The following TBC1D1 variants were observed in gnomAD, a reference collection of about 807,000 sequenced individuals.
TBC1D1 encodes TBC1 domain family member 1, also known as TBC1 (tre-2/USP6, BUB2, cdc16) domain family, member 1.
Under a neutral mutation model 125.6 loss-of-function variants are expected in TBC1D1, and 89 were observed. That is an observed-to-expected ratio of 0.71 (90% CI 0.60 to 0.85). TBC1D1 has a LOEUF of 0.85. Among genes scored for constraint, TBC1D1 ranks in the 40% least tolerant of loss-of-function variants. The probability of loss-of-function intolerance (pLI) is 0.00; values close to 1 mark genes in which losing one functional copy is unlikely to be tolerated. For missense variants in TBC1D1, 1,377 were observed against 1,469.2 expected (o/e 0.94, Z 1.03); for synonymous variants, 565 against 564.1 (o/e 1.00, Z -0.02).
chr4:38,042,921 A>G (rs1748669360), intron 8 of TBC1D1, among the ~76,000 whole-genome samples: 1 of 152,096 alleles, frequency 6.6e-6, no homozygotes, highest in Non-Finnish European at 1.5e-5. Context: ...TGTATTTTTG[A>G]GATGGAGTCT....
At chr4:37,900,057 C>G (rs1300329372) in intron 1 of TBC1D1, among the ~76,000 whole-genome samples, 5 of 150,294 alleles carry the variant, frequency 3.3e-5, no homozygotes, top group Non-Finnish European at 7.4e-5. Flanking sequence ...GGAGGCGGAG[C>G]TTGCAGTGAG....
At chr4:37,989,471 C>A (rs1351237196) in intron 2 of TBC1D1, among the ~76,000 whole-genome samples, 2 of 152,186 alleles carry the variant, frequency 1.3e-5, no homozygotes, top group Non-Finnish European at 2.9e-5. Flanking sequence ...ATAGCCCCGA[C>A]CACCTTGAGC....
chr4:38,018,500 A>G (rs530859330), intron 4 of TBC1D1, 57 bp downstream of exon 4: 23 of 1,099,486 alleles, frequency 2.1e-5, no homozygotes, highest in East Asian at 1.2e-4. Context: ...ATGAATTTCT[A>G]TAATATCTAT....
At chr4:38,098,038 T>A (rs1759673450) in intron 14 of TBC1D1, among the ~76,000 whole-genome samples, 1 of 152,230 alleles carries the variant, frequency 6.6e-6, no homozygotes, top group South Asian at 2.1e-4. Flanking sequence ...CTCCAGGTGC[T>A]TATCTCAGAA....
At chr4:37,925,483 C>G (rs67777605) in intron 2 of TBC1D1, among the ~76,000 whole-genome samples, 1 of 151,896 alleles carries the variant, frequency 6.6e-6, no homozygotes, top group Non-Finnish European at 1.5e-5. Context: ...TTCGGGAGGT[C>G]GAGGTGGGGG....
At chr4:37,985,332 G>C (rs1340397029) in intron 2 of TBC1D1, among the ~76,000 whole-genome samples, 1 of 152,168 alleles carries the variant, frequency 6.6e-6, no homozygotes, top group Non-Finnish European at 1.5e-5. Context: ...TGATTTTGTT[G>C]TTGGAAGAGT....
At chr4:38,054,120 T>A in intron 11 of TBC1D1, 79 bp from the exon 14 acceptor site, 1 of 1,448,872 alleles carries the variant, frequency 6.9e-7, no homozygotes, top group Non-Finnish European at 9.6e-7. Context: ...TTTAGTGATT[T>A]GTTTAAAAAA....
intron 2 of TBC1D1, among the ~76,000 whole-genome samples, chr4:37,918,912 A>C (rs1720310537): frequency 6.6e-6 from 1 of 152,202 alleles, no homozygotes; most frequent in African/African-American, 2.4e-5. Context: ...GTATAACATT[A>C]TGAAAATGTT....
intron 12 of TBC1D1, among the ~76,000 whole-genome samples, chr4:38,077,065 G>A (rs1167847617): frequency 6.6e-6 from 1 of 152,118 alleles, no homozygotes; most frequent in Non-Finnish European, 1.5e-5. Context: ...TCTTAGGATG[G>A]TTCTTTCTGT....
In TBC1D1 at chr4:38,096,083, TG is replaced by T; in HGVS notation, c.2394del (p.Gln799LysfsTer15). On this transcript the variant is annotated frameshift_variant, in exon 14 of 20. Transcript: ENST00000261439. LOFTEE classifies it high-confidence loss of function. Reference sequence around the variant, plus strand: ...ACATGGAAAAAATGCACTCGGCTGTTGGGCAAGGTAAGCTTCATTGGGAAGC... The same window carrying T: ...ACATGGAAAAAATGCACTCGGCTGTTGGCAAGGTAAGCTTCATTGGGAAGC... The T allele has an allele frequency of 6.2e-7, 1 of 1,613,156 alleles. No individual in the cohort carries two copies. The highest frequency in any genetic ancestry group is 8.5e-7 in the Non-Finnish European group (1 of 1,179,460).
intron 14 of TBC1D1, among the ~76,000 whole-genome samples, chr4:38,101,804 C>G (rs1406442287): frequency 6.6e-6 from 1 of 152,174 alleles, no homozygotes; most frequent in Non-Finnish European, 1.5e-5. Flanking sequence ...CTCACAATAA[C>G]CCTTCCAGCC....
chr4:37,973,476 A>T (rs1365296848), intron 2 of TBC1D1, among the ~76,000 whole-genome samples: 1 of 152,212 alleles, frequency 6.6e-6, no homozygotes, highest in Non-Finnish European at 1.5e-5. Context: ...CTGTGGTGGA[A>T]AATTTATCTT....
chr4:38,004,491 A>G (rs1409026388), intron 2 of TBC1D1, among the ~76,000 whole-genome samples: 1 of 152,226 alleles, frequency 6.6e-6, no homozygotes, highest in Non-Finnish European at 1.5e-5. Context: ...GATCCTGAAT[A>G]TGCCTTTTTT....
rs1372397673 is a variant in TBC1D1 at position 38,021,678 on chromosome 4, C to A, written c.1170C>A (p.Cys390Ter). ...CGCCAGCCCAGCTGTGTGAGGGCTG[C>A]CCCCTGCAAAGCCTGCACAAGCTCT... is the stretch of plus-strand genomic sequence containing the variant. Residue 390 changes from cysteine (C) to a stop codon, truncating the protein, a stop_gained, in exon 6 of 20, where the codon TGC becomes TGA. Transcript: ENST00000261439. LOFTEE classifies it high-confidence loss of function. 6.3e-7 allele frequency: 1 copy of A among 1,595,022 alleles called. No homozygotes were observed. Among genetic ancestry groups the A allele is most frequent in the Admixed American group, 1.8e-5 (1 of 57,096 alleles).
chr4:37,903,088 C>T (rs1284363003), intron 2 of TBC1D1, among the ~76,000 whole-genome samples: 1 of 152,172 alleles, frequency 6.6e-6, no homozygotes, highest in Admixed American at 6.5e-5. Flanking sequence ...AGGCAAAGGT[C>T]ATTGATAAGA....
chr4:37,997,601 C>T (rs922841065), intron 2 of TBC1D1, among the ~76,000 whole-genome samples: 2 of 151,992 alleles, frequency 1.3e-5, no homozygotes, highest in Non-Finnish European at 2.9e-5. Flanking sequence ...TTTATGATTA[C>T]AAAAATACAT....
intron 12 of TBC1D1, among the ~76,000 whole-genome samples, chr4:38,062,610 CT>C (rs1389467800): frequency 6.6e-6 from 1 of 150,904 alleles, no homozygotes; most frequent in Non-Finnish European, 1.5e-5. Flanking sequence ...CATCCGCCCC[CT>C]ACCCCACCCA....
chr4:37,997,148 T>C (rs537840566), intron 2 of TBC1D1, among the ~76,000 whole-genome samples: 1 of 152,398 alleles, frequency 6.6e-6, no homozygotes, highest in East Asian at 1.9e-4. Flanking sequence ...AACACGCTAA[T>C]GGTTTATCTA....
intron 17 of TBC1D1, among the ~76,000 whole-genome samples, chr4:38,123,932 T>C (rs942851542): frequency 6.6e-6 from 1 of 152,208 alleles, no homozygotes; most frequent in Non-Finnish European, 1.5e-5. Flanking sequence ...CTTTTAAATG[T>C]TATCATATTA....
Sources: gnomAD v4.1 joint callset for allele counts (sites outside exome capture counted in the v4.1 genomes callset) on GRCh38, gnomAD v4.1.1 for gene constraint, MANE v1.5 for transcripts, NCBI Gene and HGNC (gene_info 2026-07-23, HGNC 2026-07-21) for gene names.